Variants in CSMD2 observed in about 807,000 individuals in gnomAD.
CSMD2 encodes CUB and Sushi multiple domains 2, also known as CUB and sushi domain-containing protein 2.
In CSMD2, 130 loss-of-function variants were observed where a neutral mutation model predicts 398.5. The observed-to-expected ratio is 0.33, with a 90% CI of 0.28 to 0.38. CSMD2 has a LOEUF of 0.38. CSMD2 is among the 10% of genes least tolerant of loss of function. The pLI, the probability that CSMD2 is intolerant of heterozygous loss-of-function variation, is 1.00. For missense variants in CSMD2, 3,829 were observed against 4,764.9 expected (o/e 0.80, Z 5.78); for synonymous variants, 1,828 against 1,908.5 (o/e 0.96, Z 1.10).
chr1:33,904,058 A>G (rs1199289561), intron 5 of CSMD2, among the ~76,000 whole-genome samples: 1 of 152,200 alleles, frequency 6.6e-6, no homozygotes, highest in Non-Finnish European at 1.5e-5. Context: ...ACAGGTAGGC[A>G]GTGGCTGGAC....
intron 1 of CSMD2, among the ~76,000 whole-genome samples, chr1:34,105,605 C>T (rs720212): frequency 0.42 from 64,170 of 151,986 alleles, 14,072 homozygotes; most frequent in East Asian, 0.68. Context: ...CGTGACACCA[C>T]CTCAAATGGT....
intron 1 of CSMD2, among the ~76,000 whole-genome samples, chr1:34,091,783 T>G (rs1055733634): frequency 1.3e-5 from 2 of 152,216 alleles, no homozygotes; most frequent in African/African-American, 4.8e-5. Context: ...AGCTTCAATT[T>G]TAGAACAATA....
At position 33,518,006 on chromosome 1, in the gene CSMD2, G is replaced by A. The variant is rs548514945; in HGVS notation, c.*54-1436C>T. Among the ~76,000 whole-genome samples, 13 of 152,386 alleles carry A rather than the reference G, an allele frequency of 8.5e-5. No individual in the cohort carries two copies. In the South Asian group the frequency reaches 1.9e-3, roughly 22 times the overall value. ...GTGTGTGGCTGGGAGAATCTGCCAC[G>A]TGAGCGGCCATGCACAGGAGCGTGG... On this transcript the variant is annotated intron_variant, in intron 70 of 70. Transcript: ENST00000373381. The surrounding 1 kb of genome is among the most constrained non-coding windows in gnomAD (Gnocchi z 4.3).
Position 33,662,898 on chromosome 1 carries a change from T to C in CSMD2, c.4247A>G (p.Gln1416Arg). 2 of 1,614,122 alleles carry C rather than the reference T, an allele frequency of 1.2e-6. No homozygotes were observed. Among genetic ancestry groups the C allele is most frequent in the Non-Finnish European group, 1.7e-6 (2 of 1,180,020 alleles). ...AGAGGGCACGCACAGACCTGAAAATTGAATGGCAAAGCCCTGCTTGCTGGT... is the reference window on the plus strand; with the variant it reads ...AGAGGGCACGCACAGACCTGAAAATCGAATGGCAAAGCCCTGCTTGCTGGT... ...FFTSKQGFAI[Q>R]FSVSTATSCN... Residue 1416 changes from glutamine to arginine, a missense_variant, in exon 26 of 71, where the codon CAA becomes CGA. Around this residue, in one of 5 missense-constraint regions of CSMD2, gnomAD observed 2,001 missense variants for 2,567.1 expected, o/e 0.78. Transcript: ENST00000373381.
chr1:33,625,393 CG>C (rs1642052736), intron 33 of CSMD2, 139 bp from the exon 34 acceptor site: 1 of 748,114 alleles, frequency 1.3e-6, no homozygotes, highest in African/African-American at 1.8e-5. Context: ...GGGAAGGGCT[CG>C]AGGGCTAACT....
chr1:33,631,319 C>T (rs374950282), intron 32 of CSMD2, among the ~76,000 whole-genome samples: 214 of 151,926 alleles, frequency 1.4e-3, no homozygotes, highest in Non-Finnish European at 2.5e-3. Flanking sequence ...GCTAAAATAT[C>T]AACATTGATA....
intron 27 of CSMD2, among the ~76,000 whole-genome samples, chr1:33,652,913 C>T (rs1643840049): frequency 2.0e-5 from 3 of 152,128 alleles, no homozygotes; most frequent in African/African-American, 7.2e-5. Flanking sequence ...CGCCACCATG[C>T]CCACCTAATT....
chr1:33,829,682 G>A (rs1267249576), intron 6 of CSMD2, among the ~76,000 whole-genome samples: 5 of 152,198 alleles, frequency 3.3e-5, no homozygotes, highest in Admixed American at 6.5e-5. Context: ...AGCGCACCGT[G>A]CATGAGCCAA....
At chr1:33,951,388 T>C (rs766980649) in intron 3 of CSMD2, among the ~76,000 whole-genome samples, 6 of 152,184 alleles carry the variant, frequency 3.9e-5, no homozygotes, top group Non-Finnish European at 7.3e-5. Context: ...TCATTATGCT[T>C]ACACTCTACA....
chr1:34,038,387 G>C (rs1263415680), intron 2 of CSMD2, among the ~76,000 whole-genome samples: 2 of 152,180 alleles, frequency 1.3e-5, no homozygotes, highest in Non-Finnish European at 2.9e-5. Context: ...ACAGAGAACA[G>C]CATTTTGCAA....
chr1:33,595,120 C>T (rs2148781918), intron 44 of CSMD2, among the ~76,000 whole-genome samples: 1 of 152,306 alleles, frequency 6.6e-6, no homozygotes, highest in East Asian at 1.9e-4. Flanking sequence ...CGATAAATTC[C>T]TTGATAATTT....
chr1:33,757,113 C>T (rs1344085118), intron 13 of CSMD2, among the ~76,000 whole-genome samples: 1 of 150,524 alleles, frequency 6.6e-6, no homozygotes, highest in African/African-American at 2.5e-5. Flanking sequence ...ACAATGAGAA[C>T]ACGTGGACAC....
chr1:34,157,035 T>C (rs550521563), intron 1 of CSMD2, among the ~76,000 whole-genome samples: 1 of 152,268 alleles, frequency 6.6e-6, no homozygotes, highest in East Asian at 1.9e-4. Flanking sequence ...GATGGTGGAC[T>C]TGATAGGAGC....
chr1:33,911,668 G>C (rs1490593706), intron 5 of CSMD2, among the ~76,000 whole-genome samples: 1 of 152,230 alleles, frequency 6.6e-6, no homozygotes, highest in Non-Finnish European at 1.5e-5. Context: ...GCTGGACCTA[G>C]AGAGTAGGTT....
chr1:34,162,174 C>CAAA (rs35659871), intron 1 of CSMD2, among the ~76,000 whole-genome samples: 8 of 46,998 alleles, frequency 1.7e-4, no homozygotes, highest in South Asian at 1.1e-3. Flanking sequence ...AACTCCCTCT[C>CAAA]AAAAAAAAAA....
chr1:33,979,901 AGCCAGT>A (rs2147950593), intron 3 of CSMD2, among the ~76,000 whole-genome samples: 1 of 152,336 alleles, frequency 6.6e-6, no homozygotes, highest in East Asian at 1.9e-4. Flanking sequence ...CCAGGCATCT[AGCCAGT>A]GCTTTATAAA....
intron 3 of CSMD2, among the ~76,000 whole-genome samples, chr1:33,993,670 C>T (rs933689794): frequency 2.8e-4 from 43 of 152,302 alleles, no homozygotes; most frequent in East Asian, 1.2e-3. Context: ...ATTCCTTTGC[C>T]TATGTCTCTC....
At chr1:33,788,465 G>A (rs1653812234) in intron 12 of CSMD2, 135 bp downstream of exon 12, 3 of 591,790 alleles carry the variant, frequency 5.1e-6, no homozygotes, top group Non-Finnish European at 8.9e-6. Context: ...CTAAGATCGT[G>A]CCACGGCACT....
rs562986471 is a variant in CSMD2, at chr1:33,618,672, C to T, written c.5828-1055G>A. Among the ~76,000 whole-genome samples, 3 of 152,114 alleles carry T rather than the reference C, an allele frequency of 2.0e-5. No individual in the cohort carries two copies. In the South Asian group the frequency reaches 6.2e-4, roughly 32 times the overall value. On this transcript the variant is annotated intron_variant, in intron 37 of 70. Transcript: ENST00000373381. ...TTTCTGCCAGTCCATACCATCTTCC[C>T]AAGAGAAGTGCTCACTGAGCACTTC...
Sources: gnomAD v4.1 joint callset for allele counts (sites outside exome capture counted in the v4.1 genomes callset) on GRCh38, gnomAD v4.1.1 for gene constraint, gnomAD v4.1.1 regional missense constraint, Gnocchi (gnomAD v3.1) non-coding constraint, MANE v1.5 for transcripts, NCBI Gene and HGNC (gene_info 2026-07-23, HGNC 2026-07-21) for gene names.